The following STX6 variants were observed in gnomAD, a reference collection of about 807,000 sequenced individuals.
STX6 encodes the protein syntaxin 6, also known as syntaxin-6.
In STX6, 23 loss-of-function variants were observed where a neutral mutation model predicts 38.0. The ratio of observed to expected loss-of-function variants is 0.60; its 90% CI spans 0.43 to 0.86. STX6 has a LOEUF of 0.86. STX6 is among the 40% of genes least tolerant of loss of function. The pLI, the probability that STX6 is intolerant of heterozygous loss-of-function variation, is 0.00. For missense variants in STX6, 274 were observed against 312.9 expected, an observed-to-expected ratio of 0.88 and a Z score of 0.94; for synonymous variants, 123 against 107.5, an observed-to-expected ratio of 1.14 and a Z score of -0.89.
intron 1 of STX6, among the ~76,000 whole-genome samples, chr1:181,009,081 TAAGG>T (rs959782580): frequency 3.3e-5 from 5 of 152,130 alleles, no homozygotes; most frequent in African/African-American, 1.2e-4. Flanking sequence ...AAATATATAC[TAAGG>T]GAGAAGATAT....
In STX6 at chr1:181,018,504, T is replaced by C. The variant is rs947058356; in HGVS notation, c.35+4135A>G. Among the ~76,000 whole-genome samples the C allele has an allele frequency of 1.2e-4, 18 of 148,554 alleles. No individual in the cohort carries two copies. In the Admixed American group the frequency reaches 1.2e-3, roughly 10 times the overall value. On this transcript the variant is annotated intron_variant, in intron 1 of 7. Coordinates refer to ENST00000258301, the MANE Select transcript of STX6 (RefSeq NM_005819.6). ...ATATATAATATATATTTGTAATAAA[T>C]ATATAAATCCTGGCCCTTCTACGTA...
intron 3 of STX6, among the ~76,000 whole-genome samples, chr1:180,998,347 C>T (rs1190033259): frequency 3.9e-5 from 6 of 152,050 alleles, no homozygotes; most frequent in Middle Eastern, 6.8e-3. Context: ...ACCACCACCG[C>T]GGGTAAGGAT....
At chr1:180,992,302 A>G (rs1655776985) in intron 4 of STX6, among the ~76,000 whole-genome samples, 1 of 152,242 alleles carries the variant, frequency 6.6e-6, no homozygotes, top group African/African-American at 2.4e-5. Flanking sequence ...AAAAGGAAAC[A>G]GGAAAATTAA....
intron 1 of STX6, among the ~76,000 whole-genome samples, chr1:181,017,026 C>T (rs913129562): frequency 2.7e-5 from 4 of 147,128 alleles, no homozygotes; most frequent in Admixed American, 2.0e-4. Flanking sequence ...TGAGCCAAGA[C>T]GCGCCACTGC....
At chr1:181,008,206 C>G (rs1002733713) in intron 1 of STX6, among the ~76,000 whole-genome samples, 1 of 152,080 alleles carries the variant, frequency 6.6e-6, no homozygotes, top group Non-Finnish European at 1.5e-5. Flanking sequence ...TCTTGTTTTT[C>G]TTAGCTTACC....
At chr1:181,012,213 G>A (rs1656421056) in intron 1 of STX6, among the ~76,000 whole-genome samples, 1 of 152,154 alleles carries the variant, frequency 6.6e-6, no homozygotes, top group Non-Finnish European at 1.5e-5. Flanking sequence ...CTGAAAACTT[G>A]CTGATGACTT....
intron 1 of STX6, among the ~76,000 whole-genome samples, chr1:181,014,564 T>C (rs1250217191): frequency 1.3e-5 from 2 of 152,170 alleles, no homozygotes; most frequent in African/African-American, 4.8e-5. Flanking sequence ...TAAAAGAGGC[T>C]AGTCAAGGCT....
At chr1:181,008,811 C>T (rs1656311627) in intron 1 of STX6, among the ~76,000 whole-genome samples, 1 of 138,782 alleles carries the variant, frequency 7.2e-6, no homozygotes, top group East Asian at 2.2e-4. Context: ...CATGAAGTGA[C>T]AGGTTCACCT....
chr1:180,985,266 G>A (rs1408724945), intron 6 of STX6, among the ~76,000 whole-genome samples: 1 of 152,168 alleles, frequency 6.6e-6, no homozygotes, highest in East Asian at 1.9e-4. Flanking sequence ...AATGCTATCT[G>A]AGGCAGACAA....
intron 5 of STX6, chr1:180,988,562 G>C (rs143425116): frequency 6.4e-6 from 3 of 467,190 alleles, no homozygotes; most frequent in African/African-American, 2.0e-5. Context: ...TCCAACTTGT[G>C]AACAGTCAGC....
intron 7 of STX6, among the ~76,000 whole-genome samples, chr1:180,983,491 G>A (rs1437512911): frequency 6.6e-6 from 1 of 152,102 alleles, no homozygotes; most frequent in Non-Finnish European, 1.5e-5. Context: ...AAGAGTCACT[G>A]GAACATATCT....
chr1:180,994,016 G>A (rs1655830048), intron 3 of STX6, among the ~76,000 whole-genome samples: 2 of 152,198 alleles, frequency 1.3e-5, no homozygotes, highest in Admixed American at 1.3e-4. Context: ...GAAAGGTATA[G>A]ACTATTCCTA....
rs1655516539 is a variant in STX6, at chr1:180,984,568, C to G, written c.691+109G>C. On this transcript the variant is annotated intron_variant, in intron 7 of 7. Transcript: ENST00000258301. ...TGTCTCAAAAAAAAGAGAAAGGGATCTGTAAAAAATAAGAAAGGGATCTGG... is the reference window on the plus strand; with the variant it reads ...TGTCTCAAAAAAAAGAGAAAGGGATGTGTAAAAAATAAGAAAGGGATCTGG... 2.8e-5 allele frequency: 13 copies of G among 467,286 alleles called. 1 individual carries two copies. The South Asian group carries it at 4.8e-4, about 17-fold the overall frequency. 28.9% of individuals were successfully genotyped at this position (467,286 alleles called of 1,614,324 possible). A position where few individuals can be genotyped will look rare whatever the true frequency, so the allele number is the denominator to read the frequency against.
intron 1 of STX6, among the ~76,000 whole-genome samples, chr1:181,017,957 TCAC>T (rs1238731952): frequency 6.6e-6 from 1 of 152,198 alleles, no homozygotes; most frequent in Non-Finnish European, 1.5e-5. Flanking sequence ...AGTAGGCTTA[TCAC>T]CACATTAATT....
At chr1:180,978,679 A>T (rs1287036259) in intron 7 of STX6, among the ~76,000 whole-genome samples, 1 of 152,224 alleles carries the variant, frequency 6.6e-6, no homozygotes, top group African/African-American at 2.4e-5. Flanking sequence ...ACCTGGGGGA[A>T]GGAAAATACC....
intron 4 of STX6, 24 bp from the exon 5 acceptor site, chr1:180,990,133 G>A: frequency 1.2e-6 from 2 of 1,613,538 alleles, no homozygotes; most frequent in African/African-American, 1.3e-5. Flanking sequence ...ACAACCAGAG[G>A]AGTCAGGAGA....
In STX6 at chr1:180,993,496, A is replaced by G. The variant is rs533101275; in HGVS notation, c.301-71T>C. 1.3e-3 allele frequency: 1,024 copies of G among 808,046 alleles called. 6 individuals carry two copies. The highest frequency in any genetic ancestry group is 1.9e-3 in the Non-Finnish European group (916 of 487,536). 50.1% of individuals were successfully genotyped at this position (808,046 alleles called of 1,614,324 possible). A position where few individuals can be genotyped will look rare whatever the true frequency, so the allele number is the denominator to read the frequency against. On this transcript the variant is annotated intron_variant, in intron 3 of 7. Transcript: ENST00000258301. ...CAAAATCACAGTTAACATTTCATAC[A>G]TTAGCAAAACACACAATTTATTATT...
In STX6 at chr1:180,976,363, T is replaced by G. The variant is rs1571320846; in HGVS notation, c.*207A>C. ...TCTGTTGTCCAGCTGCAGCCAGGAG[T>G]GCAGACATCTATTTCCTCTTCCCAC... is the stretch of plus-strand genomic sequence containing the variant. On this transcript the variant is annotated 3_prime_UTR_variant, in exon 8 of 8. Coordinates refer to ENST00000258301, the MANE Select transcript of STX6 (RefSeq NM_005819.6). The G allele has an allele frequency of 1.8e-6, 1 of 549,724 alleles. No homozygotes were observed. The highest frequency in any genetic ancestry group is 3.3e-6 in the Non-Finnish European group (1 of 303,370). The allele number at this position is 549,724 out of a possible 1,614,324, so 34.1% of individuals were successfully genotyped here. A position where few individuals can be genotyped will look rare whatever the true frequency, so the allele number is the denominator to read the frequency against.
chr1:181,013,152 C>G (rs1421233001), intron 1 of STX6, among the ~76,000 whole-genome samples: 1 of 137,784 alleles, frequency 7.3e-6, no homozygotes, highest in East Asian at 2.3e-4. Context: ...AGTCCAAATA[C>G]AGTCCAAAAA....
Sources: gnomAD v4.1 joint callset for allele counts (sites outside exome capture counted in the v4.1 genomes callset) on GRCh38, gnomAD v4.1.1 for gene constraint, MANE v1.5 for transcripts, NCBI Gene and HGNC (gene_info 2026-07-23, HGNC 2026-07-21) for gene names.